Variants in PCDHGA2 observed in about 807,000 individuals in gnomAD.
PCDHGA2 encodes protocadherin gamma-A2.
PCDHGA2 carries 40 observed loss-of-function variants against 59.2 expected under a neutral mutation model. That is an observed-to-expected ratio of 0.68 (90% CI 0.52 to 0.88). The LOEUF (loss-of-function observed/expected upper bound fraction) is 0.88. Ranked by LOEUF, PCDHGA2 falls within the 40% of genes least tolerant of loss-of-function variation. The pLI is 0.00. For missense variants in PCDHGA2, 1,226 were observed against 1,204.0 expected (o/e 1.02, Z -0.27); for synonymous variants, 560 against 526.0 (o/e 1.06, Z -0.89).
intron 1 of PCDHGA2, chr5:141,421,422 C>A (rs908483513): frequency 6.2e-7 from 1 of 1,614,086 alleles, no homozygotes; most frequent in South Asian, 1.1e-5. Flanking sequence ...AGCGCGGAGT[C>A]CGCATCGTCT....
At position 141,494,838 on chromosome 5, in the gene PCDHGA2, C is replaced by T; in HGVS notation, c.2456C>T (p.Ser819Phe). 4.3e-6 allele frequency: 7 copies of T among 1,614,166 alleles called. No homozygotes were observed. Among genetic ancestry groups the T allele is most frequent in the Non-Finnish European group, 3.4e-6 (4 of 1,180,032 alleles). Residue 819 changes from serine (S) to phenylalanine (F), a missense_variant, in exon 2 of 4, where the codon TCT becomes TTT. By Grantham distance (155) the Ser-to-Phe change is radical. Transcript: ENST00000394576. ...CCGCCCAACACGGACTGGCGTTTCT[C>T]TCAGGCCCAGAGACCCGGCACCAGC... ...QAPPNTDWRF[S>F]QAQRPGTSGS...
Position 141,431,789 on chromosome 5 carries a change from G to A in PCDHGA2, c.2425-63018G>A, listed in dbSNP as rs760507500. On this transcript the variant is annotated intron_variant, in intron 1 of 3. Coordinates refer to ENST00000394576, the MANE Select transcript of PCDHGA2 (RefSeq NM_018915.4). This position sits in a 1 kb window ranked among gnomAD's most constrained non-coding sequence, Gnocchi z 4.8. ...CACTGTTCTGGACGTGAACGACAATGCCCCAGAAGTGGTCCTCACCTCTCT... is the reference window on the plus strand; with the variant it reads ...CACTGTTCTGGACGTGAACGACAATACCCCAGAAGTGGTCCTCACCTCTCT... 7.4e-6 allele frequency: 12 copies of A among 1,614,096 alleles called. No homozygotes were observed. The highest frequency in any genetic ancestry group is 5.9e-6 in the Non-Finnish European group (7 of 1,180,042).
Position 141,416,159 on chromosome 5 carries a change from T to C in PCDHGA2, c.2424+74764T>C, listed in dbSNP as rs116406525. ...CTATACTTTGTGGTGATAGTTGCAG[T>C]TGAATATACTAAGTTTTTCATTAAT... On this transcript the variant is annotated intron_variant, in intron 1 of 3. Transcript: ENST00000394576. 1,471 of 153,024 alleles carry C rather than the reference T, an allele frequency of 9.6e-3. 10 individuals carry two copies. Among genetic ancestry groups the C allele is most frequent in the Non-Finnish European group, 0.015 (1,026 of 68,518 alleles). 9.5% of individuals were successfully genotyped at this position (153,024 alleles called of 1,614,324 possible).
chr5:141,478,376 C>T, intron 1 of PCDHGA2: 4 of 1,613,672 alleles, frequency 2.5e-6, no homozygotes, highest in Non-Finnish European at 3.4e-6. Flanking sequence ...CCTGATGTCG[C>T]CGCACCTTTA....
intron 1 of PCDHGA2, chr5:141,409,471 A>T: frequency 6.2e-7 from 1 of 1,613,978 alleles, no homozygotes; most frequent in Non-Finnish European, 8.5e-7. Context: ...TCACCATCGT[A>T]GCCACTGACA....
rs760747309 is a variant in PCDHGA2, at chr5:141,477,613, A to G, written c.2425-17194A>G. 1.2e-6 allele frequency: 2 copies of G among 1,614,210 alleles called. No individual in the cohort carries two copies. Among genetic ancestry groups the G allele is most frequent in the Non-Finnish European group, 8.5e-7 (1 of 1,180,044 alleles). ...GGCTTTCTTTCTTTCTCTTGGAGCA[A>G]GGAGCTGAAACCGGGCTAGTGGGTC... On this transcript the variant is annotated intron_variant, in intron 1 of 3. Coordinates refer to ENST00000394576, the MANE Select transcript of PCDHGA2 (RefSeq NM_018915.4). This position sits in a 1 kb window ranked among gnomAD's most constrained non-coding sequence, Gnocchi z 4.9.
At position 141,397,489 on chromosome 5, in the gene PCDHGA2, A is replaced by G. The variant is rs568778994; in HGVS notation, c.2424+56094A>G. 3.3e-5 allele frequency among the ~76,000 whole-genome samples: 5 copies of G among 152,372 alleles called. No homozygotes were observed. In the East Asian group the frequency reaches 9.6e-4, roughly 29 times the overall value. ...GGAGTTGGAAATCATAGAAATGAAC[A>G]GAAGAATGATAAAATTGTTTCCATA... On this transcript the variant is annotated intron_variant, in intron 1 of 3. Coordinates refer to ENST00000394576, the MANE Select transcript of PCDHGA2 (RefSeq NM_018915.4).
intron 1 of PCDHGA2, chr5:141,419,186 A>G: frequency 1.2e-6 from 2 of 1,613,940 alleles, no homozygotes; most frequent in Non-Finnish European, 1.7e-6. Context: ...CCTGCACATT[A>G]CTGACGTCAA....
chr5:141,377,400 G>A (rs1463331041), intron 1 of PCDHGA2: 1 of 152,108 alleles, frequency 6.6e-6, no homozygotes, highest in Non-Finnish European at 1.5e-5. Context: ...GAGACCAGGA[G>A]TTTGAGACCA....
intron 1 of PCDHGA2, chr5:141,374,052 T>C (rs1770060748): frequency 1.4e-6 from 2 of 1,478,038 alleles, no homozygotes; most frequent in Non-Finnish European, 9.0e-7. Flanking sequence ...CTTCCTCTTC[T>C]TAATCCCAGA....
At chr5:141,376,460 A>G (rs1437479138) in intron 1 of PCDHGA2, 3 of 1,614,038 alleles carry the variant, frequency 1.9e-6, no homozygotes, top group Non-Finnish European at 2.5e-6. Context: ...GCCTCTTCTG[A>G]TAACTCAGGA....
At chr5:141,389,793 C>G in intron 1 of PCDHGA2, 1 of 1,613,570 alleles carries the variant, frequency 6.2e-7, no homozygotes, top group Non-Finnish European at 8.5e-7. Flanking sequence ...GGACGCCGTC[C>G]GCCAGCGCCT....
At chr5:141,410,195 G>C (rs769655902) in intron 1 of PCDHGA2, 1 of 1,613,966 alleles carries the variant, frequency 6.2e-7, no homozygotes, top group South Asian at 1.1e-5. Flanking sequence ...TCTGGTCTTC[G>C]CAGACAACTT....
intron 1 of PCDHGA2, chr5:141,366,320 G>A: frequency 4.3e-6 from 7 of 1,613,788 alleles, no homozygotes; most frequent in East Asian, 2.2e-5. Flanking sequence ...CACCGTTGCC[G>A]TGGCCGACAG....
intron 1 of PCDHGA2, chr5:141,478,285 T>G (rs1468354835): frequency 6.2e-7 from 1 of 1,614,040 alleles, no homozygotes; most frequent in Non-Finnish European, 8.5e-7. Context: ...GGAAGCAGTC[T>G]AGAGACCTAT....
chr5:141,464,079 A>G (rs996899520), intron 1 of PCDHGA2, among the ~76,000 whole-genome samples: 3 of 152,124 alleles, frequency 2.0e-5, no homozygotes, highest in Non-Finnish European at 4.4e-5. Flanking sequence ...AGCCTGGCCA[A>G]CATGGTGAAA....
intron 1 of PCDHGA2, among the ~76,000 whole-genome samples, chr5:141,442,910 C>G (rs1419319938): frequency 6.6e-6 from 1 of 152,196 alleles, no homozygotes; most frequent in African/African-American, 2.4e-5. Flanking sequence ...TCCTTCAGCA[C>G]ACAACTGTTT....
intron 1 of PCDHGA2, chr5:141,362,349 G>A (rs765171901): frequency 1.2e-6 from 2 of 1,613,918 alleles, no homozygotes; most frequent in Admixed American, 1.7e-5. Flanking sequence ...CTGGACCTGG[G>A]GTTCTCCCCA....
chr5:141,481,762 G>A (rs1378950651), intron 1 of PCDHGA2, among the ~76,000 whole-genome samples: 3 of 152,126 alleles, frequency 2.0e-5, no homozygotes, highest in African/African-American at 2.4e-5. Flanking sequence ...GACCAGCCTG[G>A]CCAACATGGT....
Sources: allele counts gnomAD v4.1 joint callset (sites outside exome capture counted in the v4.1 genomes callset), GRCh38; gene constraint gnomAD v4.1.1; non-coding constraint Gnocchi (gnomAD v3.1); transcripts MANE v1.5; gene names NCBI Gene and HGNC (gene_info 2026-07-23, HGNC 2026-07-21).